Variants in HHAT observed in about 807,000 individuals in gnomAD.
The protein encoded by HHAT is protein-cysteine N-palmitoyltransferase HHAT.
A neutral mutation model predicts 70.8 loss-of-function variants in HHAT; 47 were observed. The observed-to-expected ratio is 0.66, with a 90% confidence interval of 0.53 to 0.85. The LOEUF (loss-of-function observed/expected upper bound fraction) is 0.85. Ranked by LOEUF, HHAT falls within the 40% of genes least tolerant of loss-of-function variation. HHAT has a pLI of 0.00. For synonymous variants in HHAT, 228 were observed against 247.6 expected (o/e 0.92, Z 0.74); for missense variants, 609 against 604.8 (o/e 1.01, Z -0.07).
chr1:210,513,921 C>G (rs573738124), intron 9 of HHAT, among the ~76,000 whole-genome samples: 1 of 152,264 alleles, frequency 6.6e-6, no homozygotes, highest in Admixed American at 6.5e-5. Flanking sequence ...ACAAGGAAAC[C>G]AGAAATTATG....
chr1:210,370,688 C>T (rs1228094962), intron 3 of HHAT, among the ~76,000 whole-genome samples: 2 of 141,042 alleles, frequency 1.4e-5, no homozygotes, highest in African/African-American at 5.3e-5. Context: ...GATCTTGGCT[C>T]ACTGCAACCT....
chr1:210,626,742 G>C (rs1243490399), intron 11 of HHAT, among the ~76,000 whole-genome samples: 1 of 151,918 alleles, frequency 6.6e-6, no homozygotes, highest in Non-Finnish European at 1.5e-5. Flanking sequence ...TCATGTTTTG[G>C]TGAAAAAAAA....
intron 7 of HHAT, among the ~76,000 whole-genome samples, chr1:210,431,391 G>A (rs974177182): frequency 2.0e-5 from 3 of 151,658 alleles, no homozygotes; most frequent in African/African-American, 2.4e-5. Flanking sequence ...ACGACCGCTC[G>A]CCCATTTTTC....
intron 1 of HHAT, among the ~76,000 whole-genome samples, chr1:210,339,779 A>T (rs1443911412): frequency 6.6e-6 from 1 of 152,248 alleles, no homozygotes; most frequent in Non-Finnish European, 1.5e-5. Context: ...AAAATCCTTA[A>T]AAAGAATAAA....
chr1:210,521,821 C>T (rs1408368803), intron 9 of HHAT, among the ~76,000 whole-genome samples: 1 of 152,128 alleles, frequency 6.6e-6, no homozygotes, highest in African/African-American at 2.4e-5. Context: ...CTCTGAGCTG[C>T]ACTGGAAACA....
chr1:210,508,671 G>A (rs1224539379), intron 8 of HHAT, among the ~76,000 whole-genome samples: 1 of 152,138 alleles, frequency 6.6e-6, no homozygotes, highest in East Asian at 1.9e-4. Flanking sequence ...CTTCCAGCCA[G>A]TAAGATAGCT....
At chr1:210,387,750 A>T (rs1447932123) in intron 4 of HHAT, among the ~76,000 whole-genome samples, 169 bp downstream of exon 4, 1 of 152,230 alleles carries the variant, frequency 6.6e-6, no homozygotes, top group Non-Finnish European at 1.5e-5. Flanking sequence ...TTCATAGTTC[A>T]TATCCTGCAC....
chr1:210,523,714 G>A (rs1318030088), intron 9 of HHAT, among the ~76,000 whole-genome samples: 1 of 152,220 alleles, frequency 6.6e-6, no homozygotes, highest in African/African-American at 2.4e-5. Flanking sequence ...AACGTCTAAT[G>A]TCTAGAGGGC....
intron 9 of HHAT, among the ~76,000 whole-genome samples, chr1:210,535,456 G>GTGTGTGTGTGT (rs1394781594): frequency 1.1e-4 from 16 of 140,228 alleles, no homozygotes; most frequent in African/African-American, 3.8e-4. Context: ...TGTGTGTGTG[G>GTGTGTGTGTGT]GGTAAAATAA....
Position 210,487,203 on chromosome 1 carries a change from A to C in HHAT, c.1007+22548A>C, listed in dbSNP as rs1183897452. On this transcript the variant is annotated intron_variant, in intron 8 of 11. Transcript: ENST00000261458. ...ACAGCAGAGCAGTAGATATGTGGACAGAGTGAGGAGCTCAGGAGCAAAGGT... is the reference window on the plus strand; with the variant it reads ...ACAGCAGAGCAGTAGATATGTGGACCGAGTGAGGAGCTCAGGAGCAAAGGT... Among the ~76,000 whole-genome samples the C allele has an allele frequency of 2.0e-5, 3 of 152,340 alleles. No individual in the cohort carries two copies. In the East Asian group the frequency reaches 5.8e-4, roughly 29 times the overall value.
intron 1 of HHAT, among the ~76,000 whole-genome samples, chr1:210,347,889 C>T (rs1244219271): frequency 6.6e-6 from 1 of 152,200 alleles, no homozygotes; most frequent in Non-Finnish European, 1.5e-5. Flanking sequence ...AGCCATGTCC[C>T]TTCACTCACA....
intron 5 of HHAT, among the ~76,000 whole-genome samples, chr1:210,403,458 AAC>A (rs1386999243): frequency 6.6e-6 from 1 of 152,208 alleles, no homozygotes; most frequent in Non-Finnish European, 1.5e-5. Flanking sequence ...TGATTTGAAA[AAC>A]ACTGAGGAAG....
chr1:210,525,223 A>G (rs1297407940), intron 9 of HHAT, among the ~76,000 whole-genome samples: 1 of 151,974 alleles, frequency 6.6e-6, no homozygotes, highest in Non-Finnish European at 1.5e-5. Context: ...AGCCCCTCTT[A>G]GGACACAGAG....
chr1:210,414,645 G>A (rs1405611753), intron 6 of HHAT, among the ~76,000 whole-genome samples: 1 of 152,170 alleles, frequency 6.6e-6, no homozygotes, highest in Non-Finnish European at 1.5e-5. Context: ...GGGGTCTTGA[G>A]TACATTTGCC....
chr1:210,550,354 A>G lies in HHAT; in HGVS notation c.1043+37166A>G, dbSNP rs188583964. ...CTGTCTGTACAGTAGAAAAAGCACA[A>G]TGGAGAATGGCTCCTTCTCTCTGCC... On this transcript the variant is annotated intron_variant, in intron 9 of 11. Coordinates refer to ENST00000261458, the MANE Select transcript of HHAT (RefSeq NM_018194.6). 3.3e-5 allele frequency among the ~76,000 whole-genome samples: 5 copies of G among 149,338 alleles called. 1 individual carries two copies. The highest frequency in any genetic ancestry group is 4.5e-4 in the East Asian group (2 of 4,492).
chr1:210,526,367 G>GTTTT (rs5780585), intron 9 of HHAT, among the ~76,000 whole-genome samples: 6 of 142,334 alleles, frequency 4.2e-5, no homozygotes, highest in African/African-American at 1.3e-4. Flanking sequence ...AGTGGGTTCT[G>GTTTT]TTTTTTTTTT....
chr1:210,497,218 T>G (rs1399786933), intron 8 of HHAT, among the ~76,000 whole-genome samples: 1 of 152,314 alleles, frequency 6.6e-6, no homozygotes, highest in East Asian at 1.9e-4. Flanking sequence ...GTAGAATAAT[T>G]ACAGACATGA....
intron 2 of HHAT, among the ~76,000 whole-genome samples, chr1:210,360,225 C>T (rs994227706): frequency 1.3e-5 from 2 of 151,818 alleles, no homozygotes; most frequent in African/African-American, 4.8e-5. Context: ...AAATTTATGT[C>T]AGGGAGCATT....
In HHAT at chr1:210,562,652, CT is replaced by C. The variant is rs1029623096; in HGVS notation, c.1044-25242del. Among the ~76,000 whole-genome samples the C allele has an allele frequency of 2.7e-4, 40 of 148,926 alleles. 2 individuals carry two copies. The highest frequency in any genetic ancestry group is 9.7e-4 in the African/African-American group (38 of 39,012). ...TGATATTCCTGTGGTGGGTTTTTTT[CT>C]TTTCTTTTTTTTTTATTATACTTTA... On this transcript the variant is annotated intron_variant, in intron 9 of 11. Transcript: ENST00000261458.
Sources: gnomAD v4.1 joint callset for allele counts (sites outside exome capture counted in the v4.1 genomes callset) on GRCh38, gnomAD v4.1.1 for gene constraint, MANE v1.5 for transcripts, NCBI Gene and HGNC (gene_info 2026-07-23, HGNC 2026-07-21) for gene names.